GABRQ: variants seen among roughly 807,000 people sequenced by gnomAD.
GABRQ encodes gamma-aminobutyric acid type A receptor subunit theta.
Under a neutral mutation model 30.5 loss-of-function variants are expected in GABRQ, and 19 were observed. The observed-to-expected ratio is 0.62, with a 90% CI of 0.43 to 0.91. The LOEUF (loss-of-function observed/expected upper bound fraction) is 0.91, where lower values mean the gene tolerates loss of function less well. Ranked by LOEUF, GABRQ falls within the 40% of genes least tolerant of loss-of-function variation. The pLI, the probability that GABRQ is intolerant of heterozygous loss-of-function variation, is 0.00. For missense variants in GABRQ, 520 were observed against 521.4 expected (o/e 1.00, Z 0.03); for synonymous variants, 187 against 210.2 (o/e 0.89, Z 0.95).
intron 3 of GABRQ, 144 bp downstream of exon 3, chrX:152,645,738 GA>G: frequency 2.4e-6 from 1 of 421,517 alleles, no homozygotes; most frequent in Non-Finnish European, 4.2e-6. Context: ...CAGCCATTCA[GA>G]ATAAAAACTA....
At chrX:152,646,618 A>G (rs1470245554) in intron 3 of GABRQ, among the ~76,000 whole-genome samples, 2 of 111,894 alleles carry the variant, frequency 1.8e-5, no homozygotes, top group African/African-American at 6.5e-5. Flanking sequence ...ATAGACAATA[A>G]AACTCTCACA....
At position 152,655,787 on chromosome X, in the gene GABRQ, G is replaced by A. The variant is rs1186979355; in HGVS notation, c.*2506G>A. ...CCCTGGAGGTGCTTTCAACCCTGTG[G>A]TGGCAAGCAGTTCATTTGGGATAAA... On this transcript the variant is annotated 3_prime_UTR_variant, in exon 9 of 9. Transcript: ENST00000598523. The A allele has an allele frequency of 1.8e-5, 2 of 111,608 alleles. No homozygotes were observed. The highest frequency in any genetic ancestry group is 5.7e-4 in the East Asian group (2 of 3,526). 9.2% of individuals were successfully genotyped at this position (111,608 alleles called of 1,213,427 possible).
At chrX:152,645,696 A>G (rs1220487644) in intron 3 of GABRQ, 102 bp downstream of exon 3, 6 of 530,756 alleles carry the variant, frequency 1.1e-5, no homozygotes, top group African/African-American at 2.3e-5. Flanking sequence ...GACAGAACTC[A>G]CATAAAGGAA....
intron 5 of GABRQ, among the ~76,000 whole-genome samples, 190 bp from the exon 6 acceptor site, chrX:152,649,552 A>G (rs1930968432): frequency 8.9e-6 from 1 of 112,294 alleles, no homozygotes; most frequent in Admixed American, 9.4e-5. Flanking sequence ...TAATTTATTG[A>G]CAGATAGATG....
In GABRQ at chrX:152,652,739, C is replaced by T. The variant is rs377031308; in HGVS notation, c.1357C>T (p.Leu453Phe). Residue 453 changes from leucine to phenylalanine, a missense_variant, in exon 9 of 9, where the codon CTC becomes TTC. Coordinates refer to ENST00000598523, the MANE Select transcript of GABRQ (RefSeq NM_018558.4). The part of the protein sequence containing the change: ...PLATGESLSD[L>F]PSTSEQARHS... ...GGCCACTGGAGAAAGCCTGAGCGAT[C>T]TCCCCTCCACCTCAGAGCAGGCCCG... The T allele has an allele frequency of 8.3e-7, 1 of 1,211,249 alleles. No individual in the cohort carries two copies. The highest frequency in any genetic ancestry group is 2.2e-5 in the Admixed American group (1 of 46,149).
In GABRQ at chrX:152,651,750, C is replaced by T. The variant is rs146427374; in HGVS notation, c.1126C>T (p.Arg376Cys). Residue 376 changes from arginine (R) to cysteine (C), a missense_variant, in exon 8 of 9, where the codon CGC (arginine) becomes TGC (cysteine). Coordinates refer to ENST00000598523, the MANE Select transcript of GABRQ (RefSeq NM_018558.4). Reference sequence around the variant, plus strand: ...ACCCCGAAGAGTCATTGCCCGCTACCGCTACCAGCAAGTGGTGGTAGGAAA... The same window carrying T: ...ACCCCGAAGAGTCATTGCCCGCTACTGCTACCAGCAAGTGGTGGTAGGAAA... ...RRPRRVIARY[R>C]YQQVVVGNVQ... is the part of the protein sequence containing the mutation. 1.6e-4 allele frequency: 189 copies of T among 1,209,786 alleles called. No individual in the cohort carries two copies. Among genetic ancestry groups the T allele is most frequent in the Non-Finnish European group, 2.1e-4 (184 of 894,582 alleles).
In GABRQ at chrX:152,646,901, C is replaced by T. The variant is rs368733169; in HGVS notation, c.307-47C>T. On this transcript the variant is annotated intron_variant, in intron 3 of 8. Coordinates refer to ENST00000598523, the MANE Select transcript of GABRQ (RefSeq NM_018558.4). ...CACCCTACACACACCAAGGATGGAG[C>T]TCTGGACAACCAAACTTACAACTGG... 47 of 903,278 alleles carry T rather than the reference C, an allele frequency of 5.2e-5. No homozygotes were observed. The African/African-American group carries it at 8.2e-4, about 16-fold the overall frequency. The allele number at this position is 903,278 out of a possible 1,213,427, so 74.4% of individuals were successfully genotyped here.
chrX:152,642,465 G>A (rs1418412057), intron 2 of GABRQ, among the ~76,000 whole-genome samples: 3 of 112,506 alleles, frequency 2.7e-5, no homozygotes, highest in Non-Finnish European at 3.8e-5. Flanking sequence ...AAAAGGAGGA[G>A]GAGGATCCAG....
At position 152,640,422 on chromosome X, in the gene GABRQ, G is replaced by T; in HGVS notation, c.194G>T (p.Arg65Met). ...NEAVVQKILDRVLSRYDVRLR... is the reference protein window; with the variant it reads ...NEAVVQKILDMVLSRYDVRLR... Reference sequence around the variant, plus strand: ...GCTGTGGTTCAAAAGATTTTGGACAGGGTGCTGTCAAGATACGATGTCCGC... The same window carrying T: ...GCTGTGGTTCAAAAGATTTTGGACATGGTGCTGTCAAGATACGATGTCCGC... The change falls in exon 2 of 9, where the codon AGG (arginine) becomes ATG (methionine). Residue 65 changes from arginine to methionine, a missense_variant. Arg to Met is a moderately conservative substitution (Grantham distance 91). Transcript: ENST00000598523. The T allele has an allele frequency of 1.7e-6, 2 of 1,204,304 alleles. No individual in the cohort carries two copies. Among genetic ancestry groups the T allele is most frequent in the Non-Finnish European group, 2.3e-6 (2 of 888,467 alleles).
At chrX:152,644,586 T>A (rs1254989801) in intron 2 of GABRQ, among the ~76,000 whole-genome samples, 1 of 112,201 alleles carries the variant, frequency 8.9e-6, no homozygotes, top group African/African-American at 3.2e-5. Flanking sequence ...TACACTTACA[T>A]CAACACAGCT....
intron 7 of GABRQ, 88 bp downstream of exon 7, chrX:152,650,668 G>A: frequency 1.5e-6 from 1 of 663,513 alleles, no homozygotes; most frequent in Non-Finnish European, 2.4e-6. Context: ...CCAGAACAGT[G>A]TGTGACTAAC....
rs781895777 is a variant in GABRQ at position 152,652,812 on chromosome X, T to C, written c.1430T>C (p.Ile477Thr). ...AATGGTTTCCAGGCTGATGACAGTATTATTCCTACCGAAATCCGCAACCGT... is the reference window on the plus strand; with the variant it reads ...AATGGTTTCCAGGCTGATGACAGTACTATTCCTACCGAAATCCGCAACCGT... ...RFNGFQADDS[I>T]IPTEIRNRVE... is the part of the protein sequence containing the mutation. The change falls in exon 9 of 9, where the codon ATT becomes ACT. Residue 477 changes from isoleucine (I) to threonine (T), a missense_variant. Transcript: ENST00000598523. 2.4e-5 allele frequency: 29 copies of C among 1,198,369 alleles called. No homozygotes were observed. The highest frequency in any genetic ancestry group is 6.3e-5 in the African/African-American group (3 of 47,512).
Position 152,652,481 on chromosome X carries a change from C to A in GABRQ, c.1159-60C>A, listed in dbSNP as rs1032281848. On this transcript the variant is annotated intron_variant, in intron 8 of 8. Transcript: ENST00000598523. ...GAAGTCCCTTCCCTCCTCCCTCCCC[C>A]CAGTGCATATCCATCTAGGCGATAT... The A allele has an allele frequency of 1.1e-4, 105 of 996,927 alleles. No homozygotes were observed. In the Admixed American group the frequency reaches 2.7e-3, roughly 26 times the overall value. The allele number at this position is 996,927 out of a possible 1,213,427, so 82.2% of individuals were successfully genotyped here. A position where few individuals can be genotyped will look rare whatever the true frequency, so the allele number is the denominator to read the frequency against.
chrX:152,644,053 G>T (rs1478423610), intron 2 of GABRQ, among the ~76,000 whole-genome samples: 1 of 110,960 alleles, frequency 9.0e-6, no homozygotes, highest in African/African-American at 3.3e-5. Context: ...GTGCAAACAT[G>T]CTCACACATT....
intron 2 of GABRQ, among the ~76,000 whole-genome samples, chrX:152,642,720 G>A (rs2124908202): frequency 8.9e-6 from 1 of 112,008 alleles, no homozygotes; most frequent in South Asian, 3.8e-4. Context: ...CTGCCTTCCT[G>A]AGGGGGCAGG....
At position 152,656,243 on chromosome X, in the gene GABRQ, A is replaced by C; in HGVS notation, c.*2962A>C. 1 of 105,708 alleles carries C rather than the reference A, an allele frequency of 9.5e-6. No individual in the cohort carries two copies. Among genetic ancestry groups the C allele is most frequent in the African/African-American group, 3.5e-5 (1 of 28,619 alleles). The allele number at this position is 105,708 out of a possible 1,213,427, so 8.7% of individuals were successfully genotyped here. A position where few individuals can be genotyped will look rare whatever the true frequency, so the allele number is the denominator to read the frequency against. ...CCCAGCCCCTCCCCAGCCTGCAGTC[A>C]CCCCCTGTCCAGCAAGCTGCCTCCA... On this transcript the variant is annotated 3_prime_UTR_variant, in exon 9 of 9. Transcript: ENST00000598523.
chrX:152,648,071 A>C (rs899988104), intron 4 of GABRQ, among the ~76,000 whole-genome samples: 2 of 112,129 alleles, frequency 1.8e-5, no homozygotes, highest in African/African-American at 6.5e-5. Context: ...TTAAAGGGAG[A>C]ATTAGCTGAA....
intron 2 of GABRQ, 170 bp downstream of exon 2, chrX:152,640,636 A>G (rs1044557869): frequency 2.6e-5 from 13 of 509,650 alleles, no homozygotes; most frequent in Non-Finnish European, 4.6e-5. Flanking sequence ...AAGCACCCCC[A>G]GGCCTTCTGC....
Position 152,638,585 on chromosome X carries a change from T to G in GABRQ, c.149+234T>G, listed in dbSNP as rs1042217334. Among the ~76,000 whole-genome samples the G allele has an allele frequency of 2.0e-4, 22 of 111,837 alleles. No homozygotes were observed. In the Admixed American group the frequency reaches 2.1e-3, roughly 10 times the overall value. The stretch of plus-strand genomic sequence containing the variant: ...TCCGCCCACCTGTTACTGCGGAGCT[T>G]GACTGAGCCCTGCGTGTGCCTAAAC... On this transcript the variant is annotated intron_variant, in intron 1 of 8. Coordinates refer to ENST00000598523, the MANE Select transcript of GABRQ (RefSeq NM_018558.4).
Sources: allele counts gnomAD v4.1 joint callset (sites outside exome capture counted in the v4.1 genomes callset), GRCh38; gene constraint gnomAD v4.1.1; transcripts MANE v1.5; gene names NCBI Gene and HGNC (gene_info 2026-07-23, HGNC 2026-07-21).